MEIS2: variants seen among roughly 807,000 people sequenced by gnomAD.
The protein encoded by MEIS2 is homeobox protein Meis2.
In MEIS2, 9 loss-of-function variants were observed where a neutral mutation model predicts 58.6. That is an observed-to-expected ratio of 0.15 (90% CI 0.09 to 0.27). MEIS2 has a LOEUF of 0.27. Among genes scored for constraint, MEIS2 ranks in the 10% least tolerant of loss-of-function variants. The pLI is 1.00. For missense variants in MEIS2, 427 were observed against 635.0 expected (o/e 0.67, Z 3.52); for synonymous variants, 221 against 228.4 (o/e 0.97, Z 0.29).
At chr15:37,094,610 C>T (rs967492333) in intron 4 of MEIS2, 33 bp from the exon 5 acceptor site, 2 of 1,592,538 alleles carry the variant, frequency 1.3e-6, no homozygotes, top group Non-Finnish European at 1.7e-6. Flanking sequence ...GGAGTTAGAG[C>T]TCTGTGACTC....
chr15:36,975,377 T>A (rs544492122), intron 8 of MEIS2, among the ~76,000 whole-genome samples: 1 of 152,134 alleles, frequency 6.6e-6, no homozygotes, highest in South Asian at 2.1e-4. Context: ...GTTTTTTAAA[T>A]CCCATATCTG....
intron 7 of MEIS2, among the ~76,000 whole-genome samples, chr15:37,081,381 A>C (rs926368095): frequency 1.3e-5 from 2 of 152,184 alleles, no homozygotes; most frequent in African/African-American, 2.4e-5. Context: ...ACCTAGGATA[A>C]GCATATGCGA....
intron 8 of MEIS2, among the ~76,000 whole-genome samples, chr15:36,959,333 C>T (rs913708506): frequency 6.6e-6 from 1 of 152,128 alleles, no homozygotes; most frequent in South Asian, 2.1e-4. Context: ...TATCTTTCCC[C>T]GTTTGCCACA....
chr15:37,077,863 T>C (rs1470648521), intron 7 of MEIS2, among the ~76,000 whole-genome samples: 1 of 152,064 alleles, frequency 6.6e-6, no homozygotes, highest in East Asian at 1.9e-4. Flanking sequence ...ATGGTCTCTA[T>C]TGAGAGCGCT....
chr15:37,083,631 G>T (rs1892521882), intron 7 of MEIS2, 140 bp downstream of exon 7: 1 of 562,178 alleles, frequency 1.8e-6, no homozygotes, highest in Non-Finnish European at 3.0e-6. Flanking sequence ...AGGAAATACT[G>T]TCTCTTTAAA....
intron 7 of MEIS2, among the ~76,000 whole-genome samples, chr15:37,078,743 A>T (rs931122784): frequency 6.6e-6 from 1 of 151,954 alleles, no homozygotes; most frequent in Admixed American, 6.6e-5. Flanking sequence ...GCTATGAAAC[A>T]GCAGGGAACG....
chr15:37,019,233 C>T (rs976004151), intron 8 of MEIS2, among the ~76,000 whole-genome samples: 1 of 152,178 alleles, frequency 6.6e-6, no homozygotes, highest in East Asian at 1.9e-4. Context: ...TAAGTAGCCT[C>T]CTGTGAATCA....
chr15:37,001,714 G>A (rs2060735543), intron 8 of MEIS2, among the ~76,000 whole-genome samples: 1 of 152,042 alleles, frequency 6.6e-6, no homozygotes, highest in African/African-American at 2.4e-5. Context: ...TGGGAAATAT[G>A]GGCAGATCAC....
At position 36,894,459 on chromosome 15, in the gene MEIS2, T is replaced by C. The variant is rs959046996; in HGVS notation, c.1147+692A>G. Reference sequence around the variant, plus strand: ...TGCCTGATGTCTGTGTTTGTGCACATTGGGGCCACAGTAAATAGGCTAAAA... The same window carrying C: ...TGCCTGATGTCTGTGTTTGTGCACACTGGGGCCACAGTAAATAGGCTAAAA... On this transcript the variant is annotated intron_variant, in intron 11 of 11. Transcript: ENST00000561208. 11 of 262,234 alleles carry C rather than the reference T, an allele frequency of 4.2e-5. 1 individual carries two copies. In the South Asian group the frequency reaches 5.6e-4, roughly 13 times the overall value. 16.2% of individuals were successfully genotyped at this position (262,234 alleles called of 1,614,324 possible).
chr15:37,007,602 C>A (rs886400138), intron 8 of MEIS2, among the ~76,000 whole-genome samples: 6 of 152,172 alleles, frequency 3.9e-5, no homozygotes, highest in Non-Finnish European at 7.3e-5. Flanking sequence ...TCCTCACTAT[C>A]CTTTAAGCCA....
chr15:36,956,616 G>A (rs1390225186), intron 8 of MEIS2, among the ~76,000 whole-genome samples: 1 of 152,104 alleles, frequency 6.6e-6, no homozygotes, highest in Non-Finnish European at 1.5e-5. Context: ...TAAAATGTGT[G>A]CCTGGAGTTA....
chr15:37,033,016 T>C (rs1015031254), intron 8 of MEIS2, among the ~76,000 whole-genome samples: 2 of 152,184 alleles, frequency 1.3e-5, no homozygotes, highest in Non-Finnish European at 2.9e-5. Flanking sequence ...ATTTGAGAGA[T>C]TGTTTTAACT....
At chr15:37,095,459 A>G (rs1894111677) in intron 4 of MEIS2, 105 bp downstream of exon 4, 23 of 1,558,508 alleles carry the variant, frequency 1.5e-5, no homozygotes, top group Non-Finnish European at 1.9e-5. Flanking sequence ...TAGAGCTCCA[A>G]AAGAGGGTTC....
intron 7 of MEIS2, among the ~76,000 whole-genome samples, chr15:37,072,668 C>CTTTA (rs576150006): frequency 9.2e-5 from 14 of 152,064 alleles, no homozygotes; most frequent in East Asian, 1.9e-4. Flanking sequence ...CCATCAAAAT[C>CTTTA]TTTATTTATT....
intron 8 of MEIS2, among the ~76,000 whole-genome samples, chr15:36,995,307 G>A (rs956239188): frequency 6.6e-6 from 1 of 152,086 alleles, no homozygotes; most frequent in Non-Finnish European, 1.5e-5. Context: ...ACTTAACCAA[G>A]GAAGGCCATA....
At chr15:37,096,510 T>C in intron 2 of MEIS2, 80 bp from the exon 3 acceptor site, 4 of 1,537,262 alleles carry the variant, frequency 2.6e-6, no homozygotes, top group Non-Finnish European at 3.5e-6. Flanking sequence ...AATCAACAAG[T>C]TTGGAGGGTG....
At chr15:36,990,237 G>A (rs951673488) in intron 8 of MEIS2, among the ~76,000 whole-genome samples, 3 of 151,948 alleles carry the variant, frequency 2.0e-5, no homozygotes, top group African/African-American at 7.3e-5. Context: ...GAGCCACCGC[G>A]CCCGGCCTGG....
chr15:37,098,413 A>AGAGAGAGAGAGAGG (rs1894636434), intron 1 of MEIS2: 3 of 1,189,564 alleles, frequency 2.5e-6, no homozygotes, highest in Non-Finnish European at 3.2e-6. Flanking sequence ...AGAGAGAGAG[A>AGAGAGAGAGAGAGG]GAGAGAGAGA....
rs761941653 is a variant in MEIS2 at position 37,050,855 on chromosome 15, G to C, written c.755-13896C>G. ...AAGACTAGTCAAAGTGAAAGAGTGT[G>C]AGTGAAGAAGAAATGAAGAAACCTG... is the stretch of plus-strand genomic sequence containing the variant. On this transcript the variant is annotated intron_variant, in intron 7 of 11. Transcript: ENST00000561208. 1.1e-4 allele frequency: 16 copies of C among 152,072 alleles called. No individual in the cohort carries two copies. In the East Asian group the frequency reaches 3.1e-3, roughly 29 times the overall value. The allele number at this position is 152,072 out of a possible 1,614,324, so 9.4% of individuals were successfully genotyped here. A position where few individuals can be genotyped will look rare whatever the true frequency, so the allele number is the denominator to read the frequency against.
Sources: gnomAD v4.1 joint callset for allele counts (sites outside exome capture counted in the v4.1 genomes callset) on GRCh38, gnomAD v4.1.1 for gene constraint, MANE v1.5 for transcripts, NCBI Gene and HGNC (gene_info 2026-07-23, HGNC 2026-07-21) for gene names.